The following LYZL2 variants were observed in gnomAD, a reference collection of about 807,000 sequenced individuals.
LYZL2 encodes lysozyme like 2, also known as lysozyme-like protein 2.
LYZL2 carries 13 observed loss-of-function variants against 17.1 expected under a neutral mutation model. The observed-to-expected ratio is 0.76, with a 90% CI of 0.49 to 1.21. LYZL2 has a LOEUF of 1.21. Among genes scored for constraint, LYZL2 ranks in the 50% most tolerant of loss-of-function variants. The pLI is 0.00. For synonymous variants in LYZL2, 63 were observed against 74.4 expected (o/e 0.85, Z 0.79); for missense variants, 166 against 189.2 (o/e 0.88, Z 0.72).
At chr10:30,607,059 C>T (rs369357685), downstream of LYZL2, among the ~76,000 whole-genome samples, 7,247 of 151,330 alleles carry the variant, frequency 0.048, 196 homozygotes, top group African/African-American at 0.056. Flanking sequence ...TACAGGCACC[C>T]GCCACCACGC....
intron 3 of LYZL2, among the ~76,000 whole-genome samples, chr10:30,619,793 G>C (rs370149423): frequency 6.6e-6 from 1 of 151,824 alleles, no homozygotes; most frequent in Non-Finnish European, 1.5e-5. Flanking sequence ...AAAGTTGCAC[G>C]TTGTGTACAT....
intron 3 of LYZL2, among the ~76,000 whole-genome samples, chr10:30,616,660 G>A (rs571413435): frequency 4.3e-4 from 66 of 152,136 alleles, no homozygotes; most frequent in African/African-American, 1.5e-3. Flanking sequence ...ATCTCTTCAC[G>A]CAAAATCTCC....
At chr10:30,624,343 G>C (rs1838670559) in intron 3 of LYZL2, among the ~76,000 whole-genome samples, 1 of 152,192 alleles carries the variant, frequency 6.6e-6, no homozygotes, top group South Asian at 2.1e-4. Context: ...CTTTATTTCT[G>C]TCAGGTCACT....
At position 30,626,266 on chromosome 10, in the gene LYZL2, G is replaced by A. The variant is rs375767854; in HGVS notation, c.140-3C>T. ...CTCATAATACGCCATGCAGATCCCT[G>A]GAGGGGGGAAAGCCAGAAACGCCAG... On this transcript the variant is annotated splice_polypyrimidine_tract_variant and splice_region_variant and intron_variant, in intron 2 of 4. Coordinates refer to ENST00000647634, the MANE Select transcript of LYZL2 (RefSeq NM_183058.3). The A allele has an allele frequency of 1.2e-6, 2 of 1,613,060 alleles. No individual in the cohort carries two copies. The highest frequency in any genetic ancestry group is 1.7e-6 in the Non-Finnish European group (2 of 1,179,582).
chr10:30,626,173 A>T lies in LYZL2; in HGVS notation c.230T>A (p.Ile77Asn), dbSNP rs370247700. The T allele has an allele frequency of 1.2e-6, 2 of 1,613,986 alleles. No individual in the cohort carries two copies. Among genetic ancestry groups the T allele is most frequent in the Non-Finnish European group, 1.7e-6 (2 of 1,179,972 alleles). Residue 77 changes from isoleucine to asparagine, a missense_variant, in exon 3 of 5, where the codon ATC becomes AAC. By Grantham distance (149) the Ile-to-Asn change is moderately radical. This residue lies in a region of LYZL2 where 134 missense variants were observed against 129.4 expected (regional missense o/e 1.04). Transcript: ENST00000647634. ...GCGTCTGCACCACGCGAAGCTGTTG[A>T]TCTGGAAGATGCCGTAGTCGATGCT... is the stretch of plus-strand genomic sequence containing the variant. Reference protein sequence around the residue: ...DGSIDYGIFQINSFAWCRRGK... With the variant: ...DGSIDYGIFQNNSFAWCRRGK...
intron 1 of LYZL2, 46 bp from the exon 2 acceptor site, chr10:30,626,986 C>T: frequency 1.2e-6 from 2 of 1,607,976 alleles, no homozygotes; most frequent in Non-Finnish European, 8.5e-7. Context: ...GATTCAGGAA[C>T]TTCGAAATCC....
intron 1 of LYZL2, among the ~76,000 whole-genome samples, chr10:30,628,883 T>C (rs758963865): frequency 1.3e-5 from 2 of 152,230 alleles, no homozygotes; most frequent in Non-Finnish European, 2.9e-5. Context: ...CTTTTGTATG[T>C]AAAGTTTTAT....
chr10:30,617,316 T>C (rs1838543771), intron 3 of LYZL2, among the ~76,000 whole-genome samples: 1 of 152,156 alleles, frequency 6.6e-6, no homozygotes, highest in South Asian at 2.1e-4. Flanking sequence ...CCTATGTTGT[T>C]AGAGCATTTT....
rs1226099160 is a variant in LYZL2, at chr10:30,611,899, A to T, written c.*56T>A. On this transcript the variant is annotated 3_prime_UTR_variant, in exon 5 of 5. Coordinates refer to ENST00000647634, the MANE Select transcript of LYZL2 (RefSeq NM_183058.3). ...GGGACAAGATGACACAGGCATTTGG[A>T]CATTCACTGCAAACCCTAGGGCGTT... 2.0e-5 allele frequency: 32 copies of T among 1,613,194 alleles called. No homozygotes were observed. The highest frequency in any genetic ancestry group is 2.7e-5 in the Non-Finnish European group (32 of 1,179,744).
At chr10:30,611,249 C>T (rs571489731), downstream of LYZL2, among the ~76,000 whole-genome samples, 7 of 151,806 alleles carry the variant, frequency 4.6e-5, no homozygotes, top group Non-Finnish European at 8.8e-5. Context: ...GGGTGGGGTG[C>T]GATGGCTCAC....
At chr10:30,618,388 A>G (rs1407000133) in intron 3 of LYZL2, among the ~76,000 whole-genome samples, 1 of 152,248 alleles carries the variant, frequency 6.6e-6, no homozygotes, top group East Asian at 1.9e-4. Flanking sequence ...AGCCAAAAGA[A>G]CAAAGCTGGA....
chr10:30,613,298 T>C (rs1183731946), intron 3 of LYZL2, among the ~76,000 whole-genome samples: 1 of 151,930 alleles, frequency 6.6e-6, no homozygotes, highest in Admixed American at 6.6e-5. Context: ...GGAGTTTGAG[T>C]CCAGTCTGGG....
downstream of LYZL2, among the ~76,000 whole-genome samples, chr10:30,607,156 C>T (rs1317821784): frequency 1.3e-5 from 2 of 151,932 alleles, no homozygotes; most frequent in Admixed American, 6.6e-5. Flanking sequence ...AGGTGATCCA[C>T]CCGCCTTGGC....
chr10:30,618,406 C>T (rs1239678740), intron 3 of LYZL2, among the ~76,000 whole-genome samples: 9 of 152,176 alleles, frequency 5.9e-5, no homozygotes, highest in Admixed American at 1.3e-4. Context: ...GGAGGCATCA[C>T]GCTACCTGAC....
chr10:30,627,375 C>T lies in LYZL2; in HGVS notation c.-25-435G>A, dbSNP rs538582164. On this transcript the variant is annotated intron_variant, in intron 1 of 4. Transcript: ENST00000647634. ...GAATTTTCTTCTGCCTCTGCCACCC[C>T]GAGACAGCAAGACCAACCCCTCCTC... is the stretch of plus-strand genomic sequence containing the variant. 1.6e-4 allele frequency among the ~76,000 whole-genome samples: 25 copies of T among 151,960 alleles called. No homozygotes were observed. In the East Asian group the frequency reaches 2.1e-3, roughly 13 times the overall value.
At chr10:30,608,400 T>A (rs1035427184), downstream of LYZL2, among the ~76,000 whole-genome samples, 31 of 152,226 alleles carry the variant, frequency 2.0e-4, no homozygotes, top group African/African-American at 7.2e-4. Flanking sequence ...CCTCTACTTT[T>A]AAAATTCACC....
intron 4 of LYZL2, 54 bp from the exon 5 acceptor site, chr10:30,612,078 G>A (rs1026600815): frequency 5.0e-6 from 8 of 1,596,296 alleles, no homozygotes; most frequent in Admixed American, 3.4e-5. Flanking sequence ...AATCCAAACC[G>A]TCTCAGTTTC....
At chr10:30,613,443 G>A (rs1838478053) in intron 3 of LYZL2, among the ~76,000 whole-genome samples, 1 of 150,948 alleles carries the variant, frequency 6.6e-6, no homozygotes, top group Non-Finnish European at 1.5e-5. Context: ...GCTGAAATGA[G>A]TTGTGTTTAC....
At chr10:30,611,710 G>T (rs1440579035), downstream of LYZL2, 6 of 423,292 alleles carry the variant, frequency 1.4e-5, no homozygotes, top group Non-Finnish European at 2.3e-5. Flanking sequence ...GAAAAAGAAA[G>T]AAAGAAAGAA....
Sources: allele counts gnomAD v4.1 joint callset (sites outside exome capture counted in the v4.1 genomes callset), GRCh38; gene constraint gnomAD v4.1.1; regional missense constraint gnomAD v4.1.1; transcripts MANE v1.5; gene names NCBI Gene and HGNC (gene_info 2026-07-23, HGNC 2026-07-21).